ROBO2: variants seen among roughly 807,000 people sequenced by gnomAD.
The protein encoded by ROBO2 is roundabout guidance receptor 2, also known as roundabout homolog 2.
In ROBO2, 53 loss-of-function variants were observed where a neutral mutation model predicts 160.8. That is an observed-to-expected ratio of 0.33 (90% CI 0.26 to 0.41). The LOEUF is 0.41. Among genes scored for constraint, ROBO2 ranks in the 10% least tolerant of loss-of-function variants. The probability of loss-of-function intolerance (pLI) is 1.00; values close to 1 mark genes in which losing one functional copy is unlikely to be tolerated. For synonymous variants in ROBO2, 664 were observed against 611.7 expected, an observed-to-expected ratio of 1.09 and a Z score of -1.26; for missense variants, 1,577 against 1,722.4, an observed-to-expected ratio of 0.92 and a Z score of 1.49.
At chr3:77,335,477 C>T (rs2066402440) in intron 2 of ROBO2, among the ~76,000 whole-genome samples, 1 of 152,124 alleles carries the variant, frequency 6.6e-6, no homozygotes, top group Admixed American at 6.5e-5. Context: ...ATAGCTGTAC[C>T]TATGTTCTTT....
intron 2 of ROBO2, among the ~76,000 whole-genome samples, chr3:76,762,855 TA>T (rs535655751): frequency 9.3e-4 from 141 of 151,856 alleles, no homozygotes; most frequent in Non-Finnish European, 1.6e-3. Flanking sequence ...TATATTGTGT[TA>T]TTTTCATTTA....
intron 2 of ROBO2, among the ~76,000 whole-genome samples, chr3:77,267,147 A>G (rs974590378): frequency 6.6e-6 from 1 of 152,208 alleles, no homozygotes; most frequent in East Asian, 1.9e-4. Context: ...TAACTATTGA[A>G]TGTACACAAA....
At chr3:76,968,777 G>T (rs1461403303) in intron 2 of ROBO2, among the ~76,000 whole-genome samples, 1 of 152,096 alleles carries the variant, frequency 6.6e-6, no homozygotes, top group African/African-American at 2.4e-5. Context: ...ATGATTGATG[G>T]ATATTTTCAG....
At chr3:76,687,932 A>G (rs1371444172) in intron 2 of ROBO2, among the ~76,000 whole-genome samples, 1 of 152,064 alleles carries the variant, frequency 6.6e-6, no homozygotes, top group Non-Finnish European at 1.5e-5. Flanking sequence ...ATATTTAACT[A>G]TGGGTTTGTA....
chr3:76,291,621 T>C (rs1163897023), intron 2 of ROBO2, among the ~76,000 whole-genome samples: 1 of 152,120 alleles, frequency 6.6e-6, no homozygotes, highest in African/African-American at 2.4e-5. Flanking sequence ...TTAGGTTGGT[T>C]GTTAGTTTGA....
chr3:75,949,112 T>C (rs62267166), intron 2 of ROBO2, among the ~76,000 whole-genome samples: 1 of 152,114 alleles, frequency 6.6e-6, no homozygotes, highest in Non-Finnish European at 1.5e-5. Flanking sequence ...TATGTTTCTG[T>C]TGAGGTACTG....
chr3:76,437,303 T>C (rs1227843577), intron 2 of ROBO2, among the ~76,000 whole-genome samples: 1 of 152,202 alleles, frequency 6.6e-6, no homozygotes, highest in Non-Finnish European at 1.5e-5. Context: ...TATTAGGCAG[T>C]ATACTGCTCT....
At position 76,754,861 on chromosome 3, in the gene ROBO2, T is replaced by C. The variant is rs2060879029; in HGVS notation, c.110-343153T>C. Among the ~76,000 whole-genome samples, 4 of 151,892 alleles carry C rather than the reference T, an allele frequency of 2.6e-5. No individual in the cohort carries two copies. The South Asian group carries it at 8.3e-4, about 31-fold the overall frequency. ...AGGGTTGGGAAATTGCAAAATAATT[T>C]AGGAATTTTAAAATCTAATGAAGAA... On this transcript the variant is annotated intron_variant, in intron 2 of 26. Transcript: ENST00000487694.
At chr3:77,514,071 T>C (rs932210046) in intron 5 of ROBO2, among the ~76,000 whole-genome samples, 1 of 151,708 alleles carries the variant, frequency 6.6e-6, no homozygotes, top group African/African-American at 2.4e-5. Context: ...TTGGTTTTAA[T>C]TACAGCCAAT....
At chr3:77,619,894 G>T (rs2094865056) in intron 22 of ROBO2, among the ~76,000 whole-genome samples, 1 of 152,194 alleles carries the variant, frequency 6.6e-6, no homozygotes, top group South Asian at 2.1e-4. Flanking sequence ...AGAATGAAAT[G>T]AGTATGAACT....
rs185387543 is a variant in ROBO2, at chr3:77,416,182, G to A, written c.389-61232G>A. Among the ~76,000 whole-genome samples, 13 of 152,298 alleles carry A rather than the reference G, an allele frequency of 8.5e-5. No homozygotes were observed. In the East Asian group the frequency reaches 1.4e-3, roughly 16 times the overall value. ...GCCCTTTGTGTGAGGGGGAGGGCCC[G>A]AAAGTGGGTATCCCAATGTGTGCCT... is the stretch of plus-strand genomic sequence containing the variant. On this transcript the variant is annotated intron_variant, in intron 2 of 25. Coordinates refer to ENST00000461745, the Ensembl canonical transcript of ROBO2.
intron 2 of ROBO2, among the ~76,000 whole-genome samples, chr3:77,258,979 C>T (rs904253808): frequency 5.9e-5 from 9 of 152,200 alleles, no homozygotes; most frequent in African/African-American, 2.2e-4. Flanking sequence ...CTCTGCTGAA[C>T]AGTTGACTGA....
intron 2 of ROBO2, among the ~76,000 whole-genome samples, chr3:77,103,840 T>C (rs1283047283): frequency 6.6e-6 from 1 of 152,194 alleles, no homozygotes; most frequent in African/African-American, 2.4e-5. Context: ...CTGACTTTAG[T>C]ATGAGAGGGC....
chr3:76,889,108 G>T (rs2074144627), intron 2 of ROBO2, among the ~76,000 whole-genome samples: 1 of 152,128 alleles, frequency 6.6e-6, no homozygotes, highest in Non-Finnish European at 1.5e-5. Flanking sequence ...TAGCTGTGCT[G>T]CCAGGTCTTG....
intron 2 of ROBO2, among the ~76,000 whole-genome samples, chr3:76,425,460 G>A (rs1303240133): frequency 1.3e-5 from 2 of 150,712 alleles, no homozygotes; most frequent in Non-Finnish European, 2.9e-5. Flanking sequence ...TGTCCTTTCT[G>A]GAACTTTGAA....
In ROBO2 at chr3:77,095,001, A is replaced by C. The variant is rs574589484; in HGVS notation, c.62-3013A>C. On this transcript the variant is annotated intron_variant, in intron 1 of 25. Transcript: ENST00000461745. ...TTCTGTGGGTAGTATTCTTTCAAGC[A>C]CAAGTATTTAAAAATTTTATAACAT... 3.3e-5 allele frequency among the ~76,000 whole-genome samples: 5 copies of C among 152,262 alleles called. 1 individual carries two copies. Among genetic ancestry groups the C allele is most frequent in the Admixed American group, 2.0e-4 (3 of 15,294 alleles).
At chr3:76,392,879 C>T (rs531716852) in intron 2 of ROBO2, among the ~76,000 whole-genome samples, 4 of 152,132 alleles carry the variant, frequency 2.6e-5, no homozygotes, top group Non-Finnish European at 4.4e-5. Flanking sequence ...TTAGTGTAAT[C>T]CCACCACTGC....
chr3:77,104,040 TA>T (rs529950906), intron 2 of ROBO2, among the ~76,000 whole-genome samples: 6 of 152,136 alleles, frequency 3.9e-5, no homozygotes, highest in East Asian at 1.9e-4. Context: ...GAGAGCTTTT[TA>T]AAAAAAATGC....
At chr3:76,142,916 T>C (rs2071731916) in intron 2 of ROBO2, among the ~76,000 whole-genome samples, 2 of 152,066 alleles carry the variant, frequency 1.3e-5, no homozygotes, top group Non-Finnish European at 2.9e-5. Flanking sequence ...GCATGCCTCA[T>C]AAACACACAC....
Sources: allele counts gnomAD v4.1 joint callset (sites outside exome capture counted in the v4.1 genomes callset), GRCh38; gene constraint gnomAD v4.1.1; transcripts MANE v1.5; gene names NCBI Gene and HGNC (gene_info 2026-07-23, HGNC 2026-07-21).